The following TJP1 variants were observed in gnomAD, a reference collection of about 807,000 sequenced individuals.
TJP1 encodes the protein tight junction protein 1.
In TJP1, 43 loss-of-function variants were observed where a neutral mutation model predicts 194.2. The ratio of observed to expected loss-of-function variants is 0.22; its 90% confidence interval spans 0.17 to 0.29. TJP1 has a LOEUF of 0.29. TJP1 is among the 10% of genes least tolerant of loss of function. The pLI is 1.00. For synonymous variants in TJP1, 801 were observed against 779.0 expected (o/e 1.03, Z -0.47); for missense variants, 1,971 against 2,185.7 (o/e 0.90, Z 1.96).
intron 1 of TJP1, among the ~76,000 whole-genome samples, chr15:29,815,106 T>C (rs2049821587): frequency 1.3e-5 from 2 of 152,166 alleles, no homozygotes; most frequent in Admixed American, 1.3e-4. Flanking sequence ...TACTGCTCAT[T>C]ATTAAGAATT....
In TJP1 at chr15:29,928,349, T is replaced by C. The variant is rs77567544; in HGVS notation, c.306+27883A>G. On this transcript the variant is annotated intron_variant, in intron 2 of 28. Transcript: ENST00000356107. ...ATAAACTACTAGTACATCCCAACTA[T>C]GATGGTTAAAAATTTTTTTAAGTGA... 4.9e-4 allele frequency among the ~76,000 whole-genome samples: 74 copies of C among 152,338 alleles called. 2 individuals carry two copies. In the East Asian group the frequency reaches 0.014, roughly 29 times the overall value.
chr15:29,842,524 C>T (rs967773962), intron 2 of TJP1, among the ~76,000 whole-genome samples: 20 of 152,104 alleles, frequency 1.3e-4, no homozygotes, highest in African/African-American at 3.4e-4. Flanking sequence ...CTCACATGCA[C>T]GGCTTTGCAA....
At chr15:29,854,671 G>A (rs750311389) in intron 2 of TJP1, among the ~76,000 whole-genome samples, 2 of 152,144 alleles carry the variant, frequency 1.3e-5, no homozygotes, top group Non-Finnish European at 1.5e-5. Flanking sequence ...GTCACCAAGT[G>A]TGTGGTGATT....
intron 5 of TJP1, among the ~76,000 whole-genome samples, chr15:29,763,788 C>T (rs1297310377): frequency 5.2e-5 from 7 of 134,854 alleles, no homozygotes; most frequent in Admixed American, 1.5e-4. Flanking sequence ...AAAAAAATTA[C>T]ATCAGAATTA....
chr15:29,782,825 T>C (rs1408666859), intron 2 of TJP1, among the ~76,000 whole-genome samples: 3 of 112,772 alleles, frequency 2.7e-5, no homozygotes, highest in Non-Finnish European at 3.5e-5. Context: ...CCATCATCTA[T>C]ACACAATTTT....
At chr15:29,770,365 G>A (rs1223666983) in intron 4 of TJP1, among the ~76,000 whole-genome samples, 2 of 151,944 alleles carry the variant, frequency 1.3e-5, no homozygotes, top group East Asian at 1.9e-4. Flanking sequence ...CCAGGGAGGC[G>A]GAGGTTGCGG....
chr15:29,833,877 A>ATTTTTT (rs1332880070), intron 2 of TJP1, among the ~76,000 whole-genome samples: 4 of 14,428 alleles, frequency 2.8e-4, no homozygotes, highest in East Asian at 6.8e-3. Flanking sequence ...ATATATATAT[A>ATTTTTT]TATATTTTTT....
At chr15:29,704,756 G>A (rs569069166) in intron 26 of TJP1, among the ~76,000 whole-genome samples, 1 of 152,242 alleles carries the variant, frequency 6.6e-6, no homozygotes, top group East Asian at 1.9e-4. Flanking sequence ...TTGCGAATGT[G>A]ATATATTTTC....
intron 24 of TJP1, among the ~76,000 whole-genome samples, chr15:29,710,074 A>T (rs1316219305): frequency 1.3e-5 from 2 of 152,080 alleles, no homozygotes. Flanking sequence ...TGAACCCGAG[A>T]GGCAGAGGTT....
chr15:29,911,600 A>T (rs2054015501), intron 2 of TJP1, among the ~76,000 whole-genome samples: 2 of 152,082 alleles, frequency 1.3e-5, no homozygotes, highest in African/African-American at 4.8e-5. Context: ...GGTGCTACAC[A>T]CTTTTAAACA....
At chr15:29,794,140 G>T (rs1398572953) in intron 2 of TJP1, among the ~76,000 whole-genome samples, 2 of 151,884 alleles carry the variant, frequency 1.3e-5, no homozygotes, top group Non-Finnish European at 2.9e-5. Context: ...ATTACTGCTT[G>T]CTCTGAAAAT....
At chr15:29,709,795 A>AT (rs985270423) in intron 24 of TJP1, among the ~76,000 whole-genome samples, 4 of 152,186 alleles carry the variant, frequency 2.6e-5, no homozygotes, top group African/African-American at 9.7e-5. Context: ...AAGAGGTCCA[A>AT]TTTCACCACT....
Position 29,892,566 on chromosome 15 carries a change from T to C in TJP1, c.306+63666A>G, listed in dbSNP as rs901594449. 2.0e-5 allele frequency among the ~76,000 whole-genome samples: 3 copies of C among 152,210 alleles called. No individual in the cohort carries two copies. The East Asian group carries it at 5.8e-4, about 29-fold the overall frequency. ...GACAGGCTGTCTTGTTAGGTGCTAATGCAGCTGGTGACTTTAAGTTGAAGC... is the reference window on the plus strand; with the variant it reads ...GACAGGCTGTCTTGTTAGGTGCTAACGCAGCTGGTGACTTTAAGTTGAAGC... On this transcript the variant is annotated intron_variant, in intron 2 of 28. Transcript: ENST00000356107.
intron 8 of TJP1, among the ~76,000 whole-genome samples, chr15:29,748,947 T>C (rs775798199): frequency 1.7e-4 from 7 of 40,594 alleles, no homozygotes; most frequent in Admixed American, 3.4e-4. Flanking sequence ...TGTGTGTGTG[T>C]GTGTGTGCGC....
intron 8 of TJP1, among the ~76,000 whole-genome samples, chr15:29,753,302 T>G (rs1246068615): frequency 6.6e-6 from 1 of 151,444 alleles, no homozygotes; most frequent in Non-Finnish European, 1.5e-5. Context: ...GCTAACACAG[T>G]GAAACCCCGT....
intron 1 of TJP1, among the ~76,000 whole-genome samples, chr15:29,957,151 A>C (rs1459826508): frequency 6.6e-6 from 1 of 152,218 alleles, no homozygotes; most frequent in African/African-American, 2.4e-5. Context: ...TTAATTCAGC[A>C]TAATTATGGA....
chr15:29,730,978 C>G, intron 15 of TJP1: 2 of 1,298,520 alleles, frequency 1.5e-6, no homozygotes, highest in Non-Finnish European at 1.1e-6. Flanking sequence ...GCTGGAGATG[C>G]CAAGTGAAGT....
intron 2 of TJP1, among the ~76,000 whole-genome samples, chr15:29,942,248 T>A (rs1031434445): frequency 6.6e-6 from 1 of 152,108 alleles, no homozygotes. Flanking sequence ...CAGTTGCTAA[T>A]GAAAAGAAAC....
intron 8 of TJP1, among the ~76,000 whole-genome samples, chr15:29,747,725 T>C (rs1231587738): frequency 1.3e-5 from 2 of 152,240 alleles, no homozygotes; most frequent in Non-Finnish European, 2.9e-5. Flanking sequence ...ACCATCTTGG[T>C]ATTTTAACTT....
Sources: allele counts gnomAD v4.1 joint callset (sites outside exome capture counted in the v4.1 genomes callset), GRCh38; gene constraint gnomAD v4.1.1; transcripts MANE v1.5; gene names NCBI Gene and HGNC (gene_info 2026-07-23, HGNC 2026-07-21).